The following MAP3K5 variants were observed in gnomAD, a reference collection of about 807,000 sequenced individuals.
MAP3K5 encodes ASK-1.
MAP3K5 carries 56 observed loss-of-function variants against 158.7 expected under a neutral mutation model. The ratio of observed to expected loss-of-function variants is 0.35; its 90% confidence interval spans 0.28 to 0.44. MAP3K5 has a LOEUF of 0.44. MAP3K5 is among the 20% of genes least tolerant of loss of function. The probability of loss-of-function intolerance (pLI) is 1.00; values close to 1 mark genes in which losing one functional copy is unlikely to be tolerated. For synonymous variants in MAP3K5, 579 were observed against 601.7 expected, an observed-to-expected ratio of 0.96 and a Z score of 0.55; for missense variants, 1,294 against 1,674.8, an observed-to-expected ratio of 0.77 and a Z score of 3.97.
intron 11 of MAP3K5, among the ~76,000 whole-genome samples, chr6:136,646,218 G>A (rs1290591095): frequency 1.3e-5 from 2 of 152,058 alleles, no homozygotes; most frequent in Non-Finnish European, 2.9e-5. Context: ...AAAGTTATAG[G>A]AAATAAGGAC....
At chr6:136,587,502 A>G (rs1191635545) in intron 23 of MAP3K5, among the ~76,000 whole-genome samples, 3 of 152,194 alleles carry the variant, frequency 2.0e-5, no homozygotes, top group Non-Finnish European at 4.4e-5. Flanking sequence ...CGGTTGCCCA[A>G]ATTGCACAGC....
intron 24 of MAP3K5, among the ~76,000 whole-genome samples, chr6:136,581,824 T>C (rs1359650705): frequency 6.6e-6 from 1 of 152,242 alleles, no homozygotes; most frequent in African/African-American, 2.4e-5. Context: ...GCTCACGCCC[T>C]GTAATCCCAG....
chr6:136,705,995 T>A (rs899838284), intron 2 of MAP3K5, among the ~76,000 whole-genome samples: 6 of 152,214 alleles, frequency 3.9e-5, no homozygotes, highest in Non-Finnish European at 5.9e-5. Context: ...CAGTGGCTCA[T>A]GCCTGTAATC....
intron 1 of MAP3K5, among the ~76,000 whole-genome samples, chr6:136,781,983 G>T (rs1299952834): frequency 1.3e-5 from 2 of 151,786 alleles, no homozygotes; most frequent in South Asian, 4.2e-4. Flanking sequence ...TGGGAGGCAG[G>T]GGCAGGTGAA....
intron 25 of MAP3K5, among the ~76,000 whole-genome samples, chr6:136,575,824 A>G (rs1012136865): frequency 1.3e-5 from 2 of 152,192 alleles, no homozygotes; most frequent in African/African-American, 4.8e-5. Context: ...TACCTTGATC[A>G]TTTGGTTGAG....
intron 1 of MAP3K5, among the ~76,000 whole-genome samples, chr6:136,730,153 G>GTTT (rs60058823): frequency 2.9e-4 from 38 of 133,314 alleles, no homozygotes; most frequent in Non-Finnish European, 3.8e-4. Flanking sequence ...TTGTTTGGTT[G>GTTT]TTTTTTTTTT....
chr6:136,642,657 T>A (rs969479028), intron 11 of MAP3K5, 88 bp from the exon 12 acceptor site: 1 of 868,432 alleles, frequency 1.2e-6, no homozygotes, highest in African/African-American at 1.7e-5. Flanking sequence ...TTTAAAGTGA[T>A]ATACACAGCC....
intron 21 of MAP3K5, among the ~76,000 whole-genome samples, chr6:136,594,877 A>T (rs1775554919): frequency 6.6e-6 from 1 of 152,020 alleles, no homozygotes. Flanking sequence ...ATTATCCTGT[A>T]TTTTGGCTTT....
chr6:136,577,175 G>C (rs111366834), intron 25 of MAP3K5, among the ~76,000 whole-genome samples: 2 of 152,094 alleles, frequency 1.3e-5, no homozygotes, highest in Non-Finnish European at 2.9e-5. Context: ...CATCTGAAAG[G>C]AATTTTTATC....
intron 12 of MAP3K5, among the ~76,000 whole-genome samples, chr6:136,639,970 C>T (rs141132782): frequency 1.2e-3 from 186 of 152,220 alleles, no homozygotes; most frequent in Admixed American, 5.0e-3. Flanking sequence ...AGCATAAATA[C>T]CAACTGGCTG....
Position 136,613,638 on chromosome 6 carries a change from AG to A in MAP3K5, c.2279-383del, listed in dbSNP as rs550837447. Among the ~76,000 whole-genome samples, 33 of 152,304 alleles carry A rather than the reference AG, an allele frequency of 2.2e-4. No homozygotes were observed. In the South Asian group the frequency reaches 6.8e-3, roughly 32 times the overall value. ...TTGTGGCCTGAGTCATATAGCATTC[AG>A]TTGTAACTTCTGATTCTGCGATTAT... is the stretch of plus-strand genomic sequence containing the variant. On this transcript the variant is annotated intron_variant, in intron 16 of 29. Transcript: ENST00000359015. This position sits in a 1 kb window ranked among gnomAD's most constrained non-coding sequence, Gnocchi z 4.0.
intron 21 of MAP3K5, among the ~76,000 whole-genome samples, chr6:136,593,069 G>A (rs1187237866): frequency 6.6e-6 from 1 of 152,180 alleles, no homozygotes; most frequent in African/African-American, 2.4e-5. Flanking sequence ...GTGGGATGCT[G>A]TAGGTCTAGA....
chr6:136,599,475 ATCTC>A (rs71737097), intron 21 of MAP3K5, among the ~76,000 whole-genome samples: 2,557 of 141,976 alleles, frequency 0.018, 36 homozygotes, highest in African/African-American at 0.038. Context: ...CACTTAAAGG[ATCTC>A]TCTCTCTCTC....
chr6:136,622,308 C>A (rs1220826573), intron 15 of MAP3K5, among the ~76,000 whole-genome samples: 1 of 152,108 alleles, frequency 6.6e-6, no homozygotes, highest in Non-Finnish European at 1.5e-5. Flanking sequence ...AGTTTTCCTA[C>A]CCCAGCACTG....
chr6:136,559,089 G>A (rs1220593807), intron 28 of MAP3K5, among the ~76,000 whole-genome samples: 1 of 152,180 alleles, frequency 6.6e-6, no homozygotes, highest in Non-Finnish European at 1.5e-5. Flanking sequence ...AGTGGCTCAC[G>A]CCTGTAACCC....
At chr6:136,572,484 T>A (rs1008098727) in intron 25 of MAP3K5, among the ~76,000 whole-genome samples, 1 of 152,228 alleles carries the variant, frequency 6.6e-6, no homozygotes, top group Non-Finnish European at 1.5e-5. Context: ...CTCAAACTCC[T>A]GACCTCAGGT....
chr6:136,771,168 C>T (rs906987622), intron 1 of MAP3K5, among the ~76,000 whole-genome samples: 3 of 152,024 alleles, frequency 2.0e-5, no homozygotes, highest in South Asian at 2.1e-4. Flanking sequence ...GGGAGTCATC[C>T]GATACTCAAA....
intron 1 of MAP3K5, among the ~76,000 whole-genome samples, chr6:136,741,023 T>C (rs6570096): frequency 0.13 from 20,435 of 152,196 alleles, 4,620 homozygotes; most frequent in African/African-American, 0.47. Flanking sequence ...CATTTCATTA[T>C]AATATATGCA....
intron 21 of MAP3K5, chr6:136,593,725 A>AG (rs1775499105): frequency 2.4e-6 from 1 of 420,278 alleles, no homozygotes; most frequent in Non-Finnish European, 4.6e-6. Context: ...AAAAAAAAAA[A>AG]AAAAAAAGAA....
Sources: allele counts gnomAD v4.1 joint callset (sites outside exome capture counted in the v4.1 genomes callset), GRCh38; gene constraint gnomAD v4.1.1; non-coding constraint Gnocchi (gnomAD v3.1); transcripts MANE v1.5; gene names NCBI Gene and HGNC (gene_info 2026-07-23, HGNC 2026-07-21).